Variants in METTL15 observed in about 807,000 individuals in gnomAD.
The protein encoded by METTL15 is methyltransferase 15, mitochondrial 12S rRNA N4-cytidine.
METTL15 carries 34 observed loss-of-function variants against 38.3 expected under a neutral mutation model. The observed-to-expected ratio is 0.89, with a 90% confidence interval of 0.68 to 1.18. METTL15 has a LOEUF of 1.18. METTL15 is among the 50% of genes most tolerant of loss of function. The pLI is 0.00. For synonymous variants in METTL15, 162 were observed against 170.9 expected (o/e 0.95, Z 0.41); for missense variants, 438 against 498.4 (o/e 0.88, Z 1.15).
intron 4 of METTL15, among the ~76,000 whole-genome samples, chr11:28,244,028 C>T (rs570071541): frequency 3.3e-5 from 5 of 151,936 alleles, no homozygotes; most frequent in Non-Finnish European, 5.9e-5. Flanking sequence ...ACAGCTAGCT[C>T]AAAACAGATG....
At chr11:28,379,172 A>G (rs1489630991) in intron 5 of METTL15, among the ~76,000 whole-genome samples, 4 of 140,448 alleles carry the variant, frequency 2.8e-5, no homozygotes, top group Non-Finnish European at 6.2e-5. Context: ...CTTTAATTTT[A>G]TTGATCTTCT....
chr11:28,405,282 GA>G (rs760311451), intron 5 of METTL15, among the ~76,000 whole-genome samples: 2 of 152,098 alleles, frequency 1.3e-5, no homozygotes, highest in Admixed American at 6.6e-5. Context: ...GCACTAACAG[GA>G]ATATAGATCA....
At position 28,120,539 on chromosome 11, in the gene METTL15, CA is replaced by C. The variant is rs566749412; in HGVS notation, c.270+6944del. On this transcript the variant is annotated intron_variant, in intron 3 of 6. Coordinates refer to ENST00000407364, the MANE Select transcript of METTL15 (RefSeq NM_001113528.2). ...GGGTGGTATGTGAATTAAAAAAAAA[CA>C]AAAAAAAATCCTGATTTTAGTATTT... is the stretch of plus-strand genomic sequence containing the variant. Among the ~76,000 whole-genome samples, 862 of 150,442 alleles carry C rather than the reference CA, an allele frequency of 5.7e-3. 3 individuals carry two copies. Among genetic ancestry groups the C allele is most frequent in the Non-Finnish European group, 9.8e-3 (659 of 67,520 alleles).
intron 4 of METTL15, among the ~76,000 whole-genome samples, chr11:28,216,823 G>C (rs1236111730): frequency 2.0e-5 from 3 of 149,770 alleles, no homozygotes; most frequent in African/African-American, 7.4e-5. Flanking sequence ...TTGGTTTTCT[G>C]TCCTTGCGAT....
chr11:28,345,045 G>C (rs1452395858), intron 3 of METTL15, among the ~76,000 whole-genome samples: 1 of 152,020 alleles, frequency 6.6e-6, no homozygotes, highest in Non-Finnish European at 1.5e-5. Flanking sequence ...TCTCAATTTG[G>C]ACTACATTTT....
At chr11:28,524,260 A>T (rs536673539) in intron 6 of METTL15, among the ~76,000 whole-genome samples, 1 of 152,354 alleles carries the variant, frequency 6.6e-6, no homozygotes, top group South Asian at 2.1e-4. Context: ...AGAGGTTTTG[A>T]GTAACAGTGA....
At chr11:28,309,918 T>A (rs993500701) in intron 6 of METTL15, among the ~76,000 whole-genome samples, 1 of 152,188 alleles carries the variant, frequency 6.6e-6, no homozygotes, top group Non-Finnish European at 1.5e-5. Flanking sequence ...TCATCTGTTA[T>A]TTAGACTATT....
intron 6 of METTL15, among the ~76,000 whole-genome samples, chr11:28,498,783 C>T (rs1851557210): frequency 6.6e-6 from 1 of 152,198 alleles, no homozygotes; most frequent in African/African-American, 2.4e-5. Flanking sequence ...AAGGTCCCTA[C>T]AAGAAAAGGA....
chr11:28,430,214 C>G (rs1228989823), intron 6 of METTL15, among the ~76,000 whole-genome samples: 2 of 151,120 alleles, frequency 1.3e-5, no homozygotes, highest in Non-Finnish European at 3.0e-5. Context: ...CCACCCCGTC[C>G]GGGAGGGAGG....
At chr11:28,202,163 G>T (rs927541139) in intron 3 of METTL15, among the ~76,000 whole-genome samples, 1 of 151,944 alleles carries the variant, frequency 6.6e-6, no homozygotes, top group African/African-American at 2.4e-5. Context: ...GGTATCAATT[G>T]TGGGCCTATT....
At chr11:28,413,644 T>C (rs1189992864) in intron 5 of METTL15, among the ~76,000 whole-genome samples, 2 of 152,150 alleles carry the variant, frequency 1.3e-5, no homozygotes, top group African/African-American at 2.4e-5. Context: ...GTTGGTCAGA[T>C]GGATTGAAGG....
At chr11:28,136,100 A>G (rs1424103787) in intron 3 of METTL15, among the ~76,000 whole-genome samples, 3 of 152,202 alleles carry the variant, frequency 2.0e-5, no homozygotes, top group East Asian at 3.8e-4. Context: ...AAGCTAGACA[A>G]CAATTGTCTG....
intron 3 of METTL15, among the ~76,000 whole-genome samples, chr11:28,173,290 G>A (rs180980149): frequency 6.6e-6 from 1 of 152,176 alleles, no homozygotes; most frequent in East Asian, 1.9e-4. Flanking sequence ...GGGCATGAGG[G>A]TGAAGCAATC....
intron 4 of METTL15, among the ~76,000 whole-genome samples, chr11:28,271,611 T>G (rs1018028143): frequency 5.9e-5 from 9 of 152,180 alleles, no homozygotes; most frequent in African/African-American, 2.2e-4. Flanking sequence ...GATTGGATGC[T>G]AAAACTAAAT....
chr11:28,259,785 T>TA (rs1167528585), intron 4 of METTL15, among the ~76,000 whole-genome samples: 4 of 152,246 alleles, frequency 2.6e-5, no homozygotes, highest in Admixed American at 1.3e-4. Context: ...GATATGAAGT[T>TA]AAAACCAGGT....
chr11:28,420,433 A>T (rs1850809429), intron 5 of METTL15, among the ~76,000 whole-genome samples: 1 of 152,180 alleles, frequency 6.6e-6, no homozygotes, highest in Non-Finnish European at 1.5e-5. Context: ...TTCCCTTAAC[A>T]AATGGATCAT....
At chr11:28,492,098 A>G (rs1310075222) in intron 6 of METTL15, among the ~76,000 whole-genome samples, 1 of 152,180 alleles carries the variant, frequency 6.6e-6, no homozygotes, top group Admixed American at 6.5e-5. Flanking sequence ...TCTGAGCACA[A>G]AAGTATGGCT....
rs546506865 is a variant in METTL15, at chr11:28,169,297, A to G, written c.271-41765A>G. On this transcript the variant is annotated intron_variant, in intron 3 of 6. Coordinates refer to ENST00000407364, the MANE Select transcript of METTL15 (RefSeq NM_001113528.2). ...AGCCGTGGCTGTTATAAGTACTTTGACAACTTCACATAGTAAAGATTCTCC... is the reference window on the plus strand; with the variant it reads ...AGCCGTGGCTGTTATAAGTACTTTGGCAACTTCACATAGTAAAGATTCTCC... Among the ~76,000 whole-genome samples the G allele has an allele frequency of 3.3e-5, 5 of 152,316 alleles. No individual in the cohort carries two copies. The South Asian group carries it at 6.2e-4, about 19-fold the overall frequency.
At chr11:28,158,301 C>A (rs1036984560) in intron 3 of METTL15, among the ~76,000 whole-genome samples, 5 of 152,158 alleles carry the variant, frequency 3.3e-5, no homozygotes, top group African/African-American at 1.2e-4. Flanking sequence ...ACACCTTCAG[C>A]CTCTTTCCCC....
Sources: allele counts gnomAD v4.1 joint callset (sites outside exome capture counted in the v4.1 genomes callset), GRCh38; gene constraint gnomAD v4.1.1; transcripts MANE v1.5; gene names NCBI Gene and HGNC (gene_info 2026-07-23, HGNC 2026-07-21).